Variants in TBXAS1 observed in about 807,000 individuals in gnomAD.
TBXAS1 encodes the protein thromboxane-A synthase.
Under a neutral mutation model 60.7 loss-of-function variants are expected in TBXAS1, and 48 were observed. The observed-to-expected ratio is 0.79, with a 90% CI of 0.63 to 1.01. The LOEUF is 1.01. Ranked by LOEUF, TBXAS1 falls within the 50% of genes least tolerant of loss-of-function variation. The pLI is 0.00. For missense variants in TBXAS1, 685 were observed against 686.3 expected, an observed-to-expected ratio of 1.00 and a Z score of 0.02; for synonymous variants, 287 against 269.7, an observed-to-expected ratio of 1.06 and a Z score of -0.63.
intron 3 of TBXAS1, among the ~76,000 whole-genome samples, chr7:139,899,287 G>A (rs564575613): frequency 1.3e-5 from 2 of 152,068 alleles, no homozygotes; most frequent in South Asian, 2.1e-4. Flanking sequence ...TTTTCATGTC[G>A]GTGCCTGTAG....
At chr7:139,827,538 G>C (rs1798472509), upstream of TBXAS1, among the ~76,000 whole-genome samples, 1 of 152,000 alleles carries the variant, frequency 6.6e-6, no homozygotes. Flanking sequence ...TTTGTTTTTT[G>C]CTTTTGTTTT....
intron 5 of TBXAS1, among the ~76,000 whole-genome samples, chr7:139,950,705 C>CCCCTCGCCCTCCATCTACGGGAT (rs1554496373): frequency 2.4e-5 from 3 of 123,464 alleles, no homozygotes; most frequent in Non-Finnish European, 5.5e-5. Context: ...ATCTACGGGA[C>CCCCTCGCCCTCCATCTACGGGAT]CCCCTCGCCC....
intron 1 of TBXAS1, among the ~76,000 whole-genome samples, chr7:139,855,076 G>A (rs998433985): frequency 7.9e-5 from 12 of 152,140 alleles, no homozygotes; most frequent in Admixed American, 5.9e-4. Context: ...GCCTGTAAGA[G>A]GTGACTGGGT....
intron 9 of TBXAS1, among the ~76,000 whole-genome samples, chr7:139,965,874 CTTTT>C (rs780259035): frequency 2.7e-5 from 4 of 150,258 alleles, no homozygotes; most frequent in Admixed American, 6.6e-5. Flanking sequence ...TTCTTTCCTT[CTTTT>C]ATTTTTTTAA....
intron 4 of TBXAS1, among the ~76,000 whole-genome samples, chr7:139,920,013 A>G (rs1469215505): frequency 6.6e-6 from 1 of 152,218 alleles, no homozygotes; most frequent in East Asian, 1.9e-4. Flanking sequence ...ATAATCACAG[A>G]CACCATTCAG....
At chr7:139,981,290 A>G (rs1342253561) in intron 9 of TBXAS1, among the ~76,000 whole-genome samples, 2 of 151,856 alleles carry the variant, frequency 1.3e-5, no homozygotes, top group South Asian at 4.2e-4. Flanking sequence ...TAATTTTTGT[A>G]TTTTTAGTAC....
At chr7:139,813,736 T>A (rs1016165803) in intron 4 of TBXAS1, among the ~76,000 whole-genome samples, 2 of 152,208 alleles carry the variant, frequency 1.3e-5, no homozygotes, top group Non-Finnish European at 2.9e-5. Context: ...GTAACTATGT[T>A]AAGCATTAAG....
chr7:139,935,833 A>G (rs1051881979), intron 4 of TBXAS1, among the ~76,000 whole-genome samples: 5 of 151,746 alleles, frequency 3.3e-5, no homozygotes, highest in African/African-American at 1.2e-4. Context: ...AATTCCCAGG[A>G]AAGACTAGGC....
At chr7:139,968,639 G>A (rs41718) in intron 9 of TBXAS1, among the ~76,000 whole-genome samples, 116,052 of 152,108 alleles carry the variant, frequency 0.76, 44,767 homozygotes, top group East Asian at 0.87. Flanking sequence ...TTCTTTCTGG[G>A]CCACATGTGT....
intron 4 of TBXAS1, among the ~76,000 whole-genome samples, chr7:139,801,350 C>A (rs1797718634): frequency 6.6e-6 from 1 of 152,176 alleles, no homozygotes; most frequent in Non-Finnish European, 1.5e-5. Context: ...AAAATATTTT[C>A]TTTTCTAATA....
intron 4 of TBXAS1, among the ~76,000 whole-genome samples, chr7:139,932,159 T>C (rs1584883601): frequency 8.5e-6 from 1 of 118,096 alleles, no homozygotes; most frequent in Non-Finnish European, 1.6e-5. Context: ...AGAGCGAGAC[T>C]CCATCTCAAA....
At chr7:140,018,902 C>G (rs1815310868) in intron 12 of TBXAS1, among the ~76,000 whole-genome samples, 1 of 152,180 alleles carries the variant, frequency 6.6e-6, no homozygotes, top group African/African-American at 2.4e-5. Context: ...GGGGTCCTCA[C>G]CCAGATCCTG....
chr7:140,002,103 C>T (rs986741606), intron 9 of TBXAS1, among the ~76,000 whole-genome samples: 1 of 152,202 alleles, frequency 6.6e-6, no homozygotes, highest in Admixed American at 6.5e-5. Flanking sequence ...TCGCCAATTC[C>T]ATATGTATTC....
At chr7:140,016,103 C>A (rs531760424) in intron 11 of TBXAS1, among the ~76,000 whole-genome samples, 3 of 152,014 alleles carry the variant, frequency 2.0e-5, no homozygotes, top group East Asian at 1.9e-4. Flanking sequence ...CCAAGGTGGG[C>A]AGATCACGAG....
At chr7:139,836,759 G>A (rs1414622856) in intron 1 of TBXAS1, among the ~76,000 whole-genome samples, 1 of 152,142 alleles carries the variant, frequency 6.6e-6, no homozygotes, top group African/African-American at 2.4e-5. Context: ...CTTAGGCAAG[G>A]ATTTCATGAC....
intron 5 of TBXAS1, among the ~76,000 whole-genome samples, chr7:139,950,974 G>A (rs116703612): frequency 0.01 from 1,555 of 151,936 alleles, 112 homozygotes; most frequent in African/African-American, 0.034. Flanking sequence ...GGACTGACTC[G>A]GAGGAAACTG....
intron 4 of TBXAS1, among the ~76,000 whole-genome samples, chr7:139,921,035 T>C (rs1806427684): frequency 6.6e-6 from 1 of 152,250 alleles, no homozygotes; most frequent in African/African-American, 2.4e-5. Context: ...GTCTTGTTAG[T>C]GTTCATCCAG....
chr7:139,870,904 A>G (rs1801774787), intron 1 of TBXAS1, among the ~76,000 whole-genome samples: 1 of 152,164 alleles, frequency 6.6e-6, no homozygotes, highest in Non-Finnish European at 1.5e-5. Flanking sequence ...CCTGGACAAT[A>G]TAGGGAGACC....
chr7:139,867,416 C>T (rs916375746), intron 1 of TBXAS1, among the ~76,000 whole-genome samples: 1 of 152,206 alleles, frequency 6.6e-6, no homozygotes, highest in Non-Finnish European at 1.5e-5. Flanking sequence ...TTCCAAACCT[C>T]AGTCAGTTTG....
Sources: allele counts gnomAD v4.1 joint callset (sites outside exome capture counted in the v4.1 genomes callset), GRCh38; gene constraint gnomAD v4.1.1; transcripts MANE v1.5; gene names NCBI Gene and HGNC (gene_info 2026-07-23, HGNC 2026-07-21).